Variants in YAF2 observed in about 807,000 individuals in gnomAD.
YAF2 encodes the protein YY1-associated factor 2.
Under a neutral mutation model 20.1 loss-of-function variants are expected in YAF2, and 7 were observed. The observed-to-expected ratio is 0.35, with a 90% CI of 0.20 to 0.65. YAF2 has a LOEUF of 0.65. YAF2 is among the 30% of genes least tolerant of loss of function. The pLI is 0.69. For synonymous variants in YAF2, 74 were observed against 76.0 expected, an observed-to-expected ratio of 0.97 and a Z score of 0.14; for missense variants, 151 against 219.2, an observed-to-expected ratio of 0.69 and a Z score of 1.96.
intron 2 of YAF2, chr12:42,235,595 CGTG>C (rs2068124678): frequency 6.9e-7 from 1 of 1,440,856 alleles, no homozygotes; most frequent in Non-Finnish European, 9.0e-7. Flanking sequence ...CTGAGAGGGT[CGTG>C]GTGTAGAACA....
chr12:42,209,169 T>C (rs1390655487), intron 2 of YAF2, among the ~76,000 whole-genome samples: 1 of 151,772 alleles, frequency 6.6e-6, no homozygotes, highest in African/African-American at 2.4e-5. Flanking sequence ...AAGCGGTAAA[T>C]AGACTTGCAA....
chr12:42,232,846 C>CATA (rs2068023286), intron 2 of YAF2: 2 of 984,960 alleles, frequency 2.0e-6, no homozygotes, highest in South Asian at 4.7e-5. Context: ...TTTACCTAAC[C>CATA]ATAATAATAA....
chr12:42,211,724 A>G (rs1203883309), intron 2 of YAF2, among the ~76,000 whole-genome samples: 2 of 146,972 alleles, frequency 1.4e-5, no homozygotes, highest in African/African-American at 2.5e-5. Flanking sequence ...AGCCTGGGCA[A>G]CAGAGGGAGA....
intron 2 of YAF2, among the ~76,000 whole-genome samples, chr12:42,227,966 G>A (rs2067797981): frequency 6.9e-6 from 1 of 145,956 alleles, no homozygotes; most frequent in Non-Finnish European, 1.5e-5. Context: ...TGTCCGGGAG[G>A]GAGGTGGGGG....
intron 2 of YAF2, among the ~76,000 whole-genome samples, chr12:42,165,399 C>A (rs1444608076): frequency 6.6e-6 from 1 of 152,124 alleles, no homozygotes; most frequent in Non-Finnish European, 1.5e-5. Flanking sequence ...AACCCAATTT[C>A]TTATTCTATA....
intron 2 of YAF2, among the ~76,000 whole-genome samples, chr12:42,167,154 G>T (rs1347388086): frequency 6.6e-6 from 1 of 152,028 alleles, no homozygotes; most frequent in African/African-American, 2.4e-5. Context: ...TGGGGGGAAA[G>T]GGGAGGGAGA....
At position 42,210,713 on chromosome 12, in the gene YAF2, T is replaced by C; in HGVS notation, c.152+26886A>G. 3 of 1,518,580 alleles carry C rather than the reference T, an allele frequency of 2.0e-6. No individual in the cohort carries two copies. In the South Asian group the frequency reaches 3.6e-5, roughly 18 times the overall value. 94.1% of individuals were successfully genotyped at this position (1,518,580 alleles called of 1,614,324 possible). A position where few individuals can be genotyped will look rare whatever the true frequency, so the allele number is the denominator to read the frequency against. ...AATAAGAAGATTATTTCATTTTATT[T>C]GAGATTATTATCACACGTAGAACTA... is the stretch of plus-strand genomic sequence containing the variant. On this transcript the variant is annotated intron_variant, in intron 2 of 3. Coordinates refer to ENST00000534854, the MANE Select transcript of YAF2 (RefSeq NM_005748.6).
intron 2 of YAF2, among the ~76,000 whole-genome samples, chr12:42,220,703 A>G (rs548397535): frequency 6.6e-6 from 1 of 152,328 alleles, no homozygotes; most frequent in Admixed American, 6.5e-5. Flanking sequence ...AGTATGTTCT[A>G]TAAAAGTAAA....
rs1274917006 is a variant in YAF2, at chr12:42,238,200, G to A, written c.-20C>T. ...TCCCATGGCTTGGCTATCACCGCAC[G>A]CCGAGAGTCGCCGCCGCGACCGCTC... On this transcript the variant is annotated 5_prime_UTR_variant, in exon 1 of 4. Coordinates refer to ENST00000534854, the MANE Select transcript of YAF2 (RefSeq NM_005748.6). 1 of 1,481,668 alleles carries A rather than the reference G, an allele frequency of 6.7e-7. No individual in the cohort carries two copies. Among genetic ancestry groups the A allele is most frequent in the Non-Finnish European group, 9.0e-7 (1 of 1,108,156 alleles). 91.8% of individuals were successfully genotyped at this position (1,481,668 alleles called of 1,614,324 possible). A position where few individuals can be genotyped will look rare whatever the true frequency, so the allele number is the denominator to read the frequency against.
At chr12:42,190,436 TAA>T (rs1177657298) in intron 2 of YAF2, among the ~76,000 whole-genome samples, 3 of 152,192 alleles carry the variant, frequency 2.0e-5, no homozygotes, top group South Asian at 4.1e-4. Flanking sequence ...TGCCCTTTGT[TAA>T]AAAAAGATTG....
intron 2 of YAF2, among the ~76,000 whole-genome samples, chr12:42,163,273 G>C (rs1358343284): frequency 1.3e-5 from 2 of 152,116 alleles, no homozygotes; most frequent in Admixed American, 1.3e-4. Flanking sequence ...AACCAAGCTG[G>C]ACAGATAAGA....
intron 2 of YAF2, among the ~76,000 whole-genome samples, chr12:42,218,721 A>G (rs767921942): frequency 6.6e-6 from 1 of 152,166 alleles, no homozygotes; most frequent in Non-Finnish European, 1.5e-5. Flanking sequence ...ATCATAATGT[A>G]TACTTTGATA....
At chr12:42,221,975 C>T (rs912798359) in intron 2 of YAF2, among the ~76,000 whole-genome samples, 1 of 152,174 alleles carries the variant, frequency 6.6e-6, no homozygotes, top group Non-Finnish European at 1.5e-5. Flanking sequence ...AGAAACACTT[C>T]AAAGGTTCCT....
Position 42,160,535 on chromosome 12 carries a change from C to A in YAF2, c.*54G>T. ...AAAATGTGGTACCTCTTGGCATAAT[C>A]TGTGTATTTGCATGGTAGGACAGAA... is the stretch of plus-strand genomic sequence containing the variant. On this transcript the variant is annotated 3_prime_UTR_variant, in exon 4 of 4. Coordinates refer to ENST00000534854, the MANE Select transcript of YAF2 (RefSeq NM_005748.6). 1 of 1,355,736 alleles carries A rather than the reference C, an allele frequency of 7.4e-7. No individual in the cohort carries two copies. Among genetic ancestry groups the A allele is most frequent in the East Asian group, 2.3e-5 (1 of 43,524 alleles). The allele number at this position is 1,355,736 out of a possible 1,614,324, so 84.0% of individuals were successfully genotyped here.
chr12:42,173,366 T>G (rs553138013), intron 2 of YAF2, among the ~76,000 whole-genome samples: 24 of 152,378 alleles, frequency 1.6e-4, no homozygotes, highest in Admixed American at 7.2e-4. Context: ...TGACAAATAC[T>G]AAGATAGTCC....
At chr12:42,171,532 G>T (rs2066048251) in intron 2 of YAF2, among the ~76,000 whole-genome samples, 2 of 151,812 alleles carry the variant, frequency 1.3e-5, no homozygotes, top group Admixed American at 6.6e-5. Flanking sequence ...AAGAAAGAAA[G>T]AAATATGTTA....
In YAF2 at chr12:42,237,525, G is replaced by A. The variant is rs1224863909; in HGVS notation, c.152+74C>T. 2.8e-6 allele frequency: 4 copies of A among 1,408,948 alleles called. No homozygotes were observed. The Admixed American group carries it at 9.3e-5, about 33-fold the overall frequency. The allele number at this position is 1,408,948 out of a possible 1,614,324, so 87.3% of individuals were successfully genotyped here. A position where few individuals can be genotyped will look rare whatever the true frequency, so the allele number is the denominator to read the frequency against. ...CGGGTCCGCCAGTGTCATGGGAGGG[G>A]GCGGCAGCCGCAAGGGCGTCCTCTG... On this transcript the variant is annotated intron_variant, in intron 2 of 3. Coordinates refer to ENST00000534854, the MANE Select transcript of YAF2 (RefSeq NM_005748.6).
At chr12:42,195,645 G>A (rs924442822) in intron 2 of YAF2, among the ~76,000 whole-genome samples, 2 of 152,138 alleles carry the variant, frequency 1.3e-5, no homozygotes, top group African/African-American at 2.4e-5. Flanking sequence ...TATTTACAAT[G>A]TACCTATTTT....
intron 2 of YAF2, among the ~76,000 whole-genome samples, chr12:42,229,644 T>C (rs543837217): frequency 1.2e-4 from 18 of 152,326 alleles, no homozygotes; most frequent in African/African-American, 3.4e-4. Context: ...GGTGATTTCA[T>C]TGTCAGAACA....
Sources: gnomAD v4.1 joint callset for allele counts (sites outside exome capture counted in the v4.1 genomes callset) on GRCh38, gnomAD v4.1.1 for gene constraint, MANE v1.5 for transcripts, NCBI Gene and HGNC (gene_info 2026-07-23, HGNC 2026-07-21) for gene names.